Variants in OAS3 observed in about 807,000 individuals in gnomAD.
OAS3 encodes the protein 2'-5'-oligoadenylate synthase 3.
In OAS3, 107 loss-of-function variants were observed where a neutral mutation model predicts 113.0. The ratio of observed to expected loss-of-function variants is 0.95; its 90% confidence interval spans 0.81 to 1.11. OAS3 has a LOEUF of 1.11. OAS3 is among the 50% of genes most tolerant of loss of function. The pLI, the probability that OAS3 is intolerant of heterozygous loss-of-function variation, is 0.00. For synonymous variants in OAS3, 552 were observed against 573.6 expected (o/e 0.96, Z 0.54); for missense variants, 1,258 against 1,389.1 (o/e 0.91, Z 1.50).
chr12:112,942,087 G>A, intron 2 of OAS3: 1 of 609,640 alleles, frequency 1.6e-6, no homozygotes, highest in Non-Finnish European at 2.9e-6. Flanking sequence ...CCCTCCCACA[G>A]GCATCTGGGA....
At position 112,969,843 on chromosome 12, in the gene OAS3, G is replaced by A; in HGVS notation, c.3252+88G>A. On this transcript the variant is annotated intron_variant, in intron 15 of 15. Transcript: ENST00000228928. ...GAGGGACATGATTCCCACTAAAGGGGCAGGGCCCAGTGATGGCCCCAGGTA... is the reference window on the plus strand; with the variant it reads ...GAGGGACATGATTCCCACTAAAGGGACAGGGCCCAGTGATGGCCCCAGGTA... 5 of 1,589,386 alleles carry A rather than the reference G, an allele frequency of 3.1e-6. No homozygotes were observed. The South Asian group carries it at 5.7e-5, about 18-fold the overall frequency.
intron 14 of OAS3, 108 bp from the exon 15 acceptor site, chr12:112,969,500 C>G (rs368460433): frequency 5.2e-6 from 7 of 1,338,756 alleles, no homozygotes; most frequent in African/African-American, 2.9e-5. Context: ...AGCCCTGGCT[C>G]TAGCCCCTGC....
intron 14 of OAS3, 57 bp from the exon 15 acceptor site, chr12:112,969,551 A>G (rs766738893): frequency 6.4e-7 from 1 of 1,557,482 alleles, no homozygotes; most frequent in Non-Finnish European, 8.7e-7. Context: ...AACCAGTGCC[A>G]CAGGTGGACA....
In OAS3 at chr12:112,970,093, T is replaced by A. The variant is rs542340990; in HGVS notation, c.*120T>A. On this transcript the variant is annotated 3_prime_UTR_variant, in exon 16 of 16. Transcript: ENST00000228928. ...TTGTGTACATGTGTGTGTGAGCACATGTGTGCATGTGTGTGCACACGTGTG... is the reference window on the plus strand; with the variant it reads ...TTGTGTACATGTGTGTGTGAGCACAAGTGTGCATGTGTGTGCACACGTGTG... 1.9e-6 allele frequency: 2 copies of A among 1,078,844 alleles called. No homozygotes were observed. Among genetic ancestry groups the A allele is most frequent in the Non-Finnish European group, 2.8e-6 (2 of 716,856 alleles). 66.8% of individuals were successfully genotyped at this position (1,078,844 alleles called of 1,614,324 possible).
At position 112,970,334 on chromosome 12, in the gene OAS3, G is replaced by T. The variant is rs1175632846; in HGVS notation, c.*361G>T. The T allele has an allele frequency of 6.0e-6, 2 of 330,588 alleles. No individual in the cohort carries two copies. Among genetic ancestry groups the T allele is most frequent in the Admixed American group, 8.8e-5 (2 of 22,704 alleles). 20.5% of individuals were successfully genotyped at this position (330,588 alleles called of 1,614,324 possible). ...GACTCCTCTCTGCCCATGCAAATTA[G>T]CTCACATCTTTCCTCCTGCTGCAAT... is the stretch of plus-strand genomic sequence containing the variant. On this transcript the variant is annotated 3_prime_UTR_variant, in exon 16 of 16. Coordinates refer to ENST00000228928, the MANE Select transcript of OAS3 (RefSeq NM_006187.4).
intron 15 of OAS3, 29 bp downstream of exon 15, chr12:112,969,784 A>G (rs2043968011): frequency 6.2e-7 from 1 of 1,609,350 alleles, no homozygotes; most frequent in African/African-American, 1.3e-5. Context: ...CAAAGGAAGT[A>G]CCCTTTAGGG....
chr12:112,943,356 G>A (rs537957627), intron 2 of OAS3, among the ~76,000 whole-genome samples: 5 of 152,244 alleles, frequency 3.3e-5, no homozygotes, highest in Admixed American at 3.3e-4. Flanking sequence ...TACTGTTTCA[G>A]CTTCAATTTT....
In OAS3 at chr12:112,967,428, C is replaced by G. The variant is rs979575348; in HGVS notation, c.2700C>G (p.Val900=). Residue 900 remains valine, a synonymous_variant, in exon 13 of 16, where the codon GTC becomes GTG. Transcript: ENST00000228928. ...LPAFDALGQL[V]SGSRPSSQVY... Reference sequence around the variant, plus strand: ...TCTCCCCATCTCCAGGCCAGCTGGTCTCTGGCTCCAGGCCCAGCTCTCAAG... The same window carrying G: ...TCTCCCCATCTCCAGGCCAGCTGGTGTCTGGCTCCAGGCCCAGCTCTCAAG... The G allele has an allele frequency of 6.8e-6, 11 of 1,612,114 alleles. No homozygotes were observed. Among genetic ancestry groups the G allele is most frequent in the Non-Finnish European group, 8.5e-6 (10 of 1,179,138 alleles).
At position 112,948,116 on chromosome 12, in the gene OAS3, C is replaced by T. The variant is rs377547616; in HGVS notation, c.1029+17C>T. On this transcript the variant is annotated intron_variant, in intron 5 of 15. Transcript: ENST00000228928. ...AAGGGGCCGGTAAGTGAGGGGGCCCCAGGACCCTTGGGTTTTGCACTTTGT... is the reference window on the plus strand; with the variant it reads ...AAGGGGCCGGTAAGTGAGGGGGCCCTAGGACCCTTGGGTTTTGCACTTTGT... 1.8e-5 allele frequency: 27 copies of T among 1,501,466 alleles called. No individual in the cohort carries two copies. The African/African-American group carries it at 3.1e-4, about 17-fold the overall frequency. The allele number at this position is 1,501,466 out of a possible 1,614,324, so 93.0% of individuals were successfully genotyped here.
At chr12:112,965,135 ACCCAGAT>A (rs1450663582) in intron 11 of OAS3, among the ~76,000 whole-genome samples, 3 of 152,198 alleles carry the variant, frequency 2.0e-5, no homozygotes, top group Admixed American at 2.0e-4. Context: ...GACAAGTGAG[ACCCAGAT>A]CAGCTCAGAA....
At chr12:112,949,494 T>C (rs1464268266) in intron 6 of OAS3, among the ~76,000 whole-genome samples, 1 of 152,134 alleles carries the variant, frequency 6.6e-6, no homozygotes, top group East Asian at 1.9e-4. Context: ...GGATGGGCCC[T>C]GGTCTCCCTC....
At chr12:112,967,206 G>A (rs2043941579) in intron 12 of OAS3, among the ~76,000 whole-genome samples, 1 of 152,192 alleles carries the variant, frequency 6.6e-6, no homozygotes, top group Non-Finnish European at 1.5e-5. Flanking sequence ...TTGAAAGGGA[G>A]CAGAAAAGGG....
chr12:112,944,659 C>A lies in OAS3; in HGVS notation c.636+8C>A, dbSNP rs1324956363. ...AAGCACTGGTACCACCAGGTGAAGCCACTTGGAAGGGTTTCTCCAGACATG... is the reference window on the plus strand; with the variant it reads ...AAGCACTGGTACCACCAGGTGAAGCAACTTGGAAGGGTTTCTCCAGACATG... On this transcript the variant is annotated splice_region_variant and intron_variant, in intron 3 of 15. Coordinates refer to ENST00000228928, the MANE Select transcript of OAS3 (RefSeq NM_006187.4). 1 of 1,613,788 alleles carries A rather than the reference C, an allele frequency of 6.2e-7. No individual in the cohort carries two copies. Among genetic ancestry groups the A allele is most frequent in the Non-Finnish European group, 8.5e-7 (1 of 1,179,840 alleles).
Position 112,952,098 on chromosome 12 carries a change from C to T in OAS3, c.1657+1123C>T, listed in dbSNP as rs188501608. Among the ~76,000 whole-genome samples, 279 of 152,216 alleles carry T rather than the reference C, an allele frequency of 1.8e-3. 2 individuals carry two copies. The highest frequency in any genetic ancestry group is 6.3e-3 in the Admixed American group (97 of 15,288). On this transcript the variant is annotated intron_variant, in intron 7 of 15. Coordinates refer to ENST00000228928, the MANE Select transcript of OAS3 (RefSeq NM_006187.4). ...TTGCTCGGATAATTTTTTGTTTGGT[C>T]TCTCAATTTCTGAGTAAAATATCTT... is the stretch of plus-strand genomic sequence containing the variant.
intron 14 of OAS3, 42 bp from the exon 15 acceptor site, chr12:112,969,566 G>C: frequency 6.4e-7 from 1 of 1,573,016 alleles, no homozygotes; most frequent in Non-Finnish European, 8.6e-7. Context: ...TGGACACCTA[G>C]ATGTTGCCAG....
intron 5 of OAS3, 70 bp downstream of exon 5, chr12:112,948,169 T>C: frequency 3.5e-6 from 5 of 1,409,602 alleles, no homozygotes; most frequent in Non-Finnish European, 4.7e-6. Context: ...CCTGAGCATC[T>C]ACTATGTGCC....
chr12:112,944,390 C>A (rs1047540004), intron 2 of OAS3, 86 bp from the exon 3 acceptor site: 2 of 1,431,566 alleles, frequency 1.4e-6, no homozygotes, highest in Non-Finnish European at 2.0e-6. Flanking sequence ...TCTCTCTCAG[C>A]GCCCCAGGCT....
At position 112,946,849 on chromosome 12, in the gene OAS3, T is replaced by C. The variant is rs371139472; in HGVS notation, c.743T>C (p.Leu248Pro). The change falls in exon 4 of 16, where the codon CTA becomes CCA. Residue 248 changes from leucine to proline, a missense_variant. Leu to Pro is a moderately conservative substitution (Grantham distance 98). Coordinates refer to ENST00000228928, the MANE Select transcript of OAS3 (RefSeq NM_006187.4). ...EQGCKKDAFS[L>P]AEGLRTVLGL... ...GGCTGTAAGAAGGATGCTTTCAGCC[T>C]AGCCGAAGGCCTCCGAACTGTCCTG... 3.7e-6 allele frequency: 6 copies of C among 1,613,862 alleles called. No homozygotes were observed. The African/African-American group carries it at 8.0e-5, about 22-fold the overall frequency.
chr12:112,961,658 A>T (rs894980320), intron 8 of OAS3, among the ~76,000 whole-genome samples: 3 of 152,224 alleles, frequency 2.0e-5, no homozygotes, highest in African/African-American at 7.2e-5. Context: ...CCTGTCCAAG[A>T]CAGAAAAACC....
Sources: gnomAD v4.1 joint callset for allele counts (sites outside exome capture counted in the v4.1 genomes callset) on GRCh38, gnomAD v4.1.1 for gene constraint, MANE v1.5 for transcripts, NCBI Gene and HGNC (gene_info 2026-07-23, HGNC 2026-07-21) for gene names.